UVRAG: variants seen among roughly 807,000 people sequenced by gnomAD.
The protein encoded by UVRAG is UV radiation resistance associated, also known as UV radiation resistance-associated gene protein.
In UVRAG, 19 loss-of-function variants were observed where a neutral mutation model predicts 78.0. The observed-to-expected ratio is 0.24, with a 90% CI of 0.17 to 0.36. The LOEUF (loss-of-function observed/expected upper bound fraction) is 0.36, where lower values mean the gene tolerates loss of function less well. Among genes scored for constraint, UVRAG ranks in the 10% least tolerant of loss-of-function variants. The pLI is 1.00. For synonymous variants in UVRAG, 323 were observed against 324.6 expected (o/e 1.00, Z 0.05); for missense variants, 740 against 853.8 (o/e 0.87, Z 1.66).
chr11:75,824,895 G>A (rs910759618), intron 1 of UVRAG, among the ~76,000 whole-genome samples: 1 of 151,836 alleles, frequency 6.6e-6, no homozygotes, highest in Non-Finnish European at 1.5e-5. Flanking sequence ...GGATGGTCTC[G>A]ATCTCCTGAC....
intron 12 of UVRAG, among the ~76,000 whole-genome samples, chr11:76,057,643 T>C (rs1459160927): frequency 1.3e-5 from 2 of 152,166 alleles, no homozygotes; most frequent in Non-Finnish European, 2.9e-5. Context: ...GCCTGCCTTA[T>C]GCTTTCACAG....
intron 2 of UVRAG, among the ~76,000 whole-genome samples, chr11:75,859,156 T>C (rs1946361975): frequency 6.6e-6 from 1 of 152,052 alleles, no homozygotes; most frequent in South Asian, 2.1e-4. Context: ...GTGTGGATCA[T>C]TTGAGGTCAG....
chr11:75,907,603 T>C (rs1257369439), intron 5 of UVRAG, among the ~76,000 whole-genome samples: 1 of 152,082 alleles, frequency 6.6e-6, no homozygotes, highest in Non-Finnish European at 1.5e-5. Flanking sequence ...ACCCTCAAAC[T>C]CCTGGGCTCA....
At chr11:75,879,445 C>T (rs1258611188) in intron 3 of UVRAG, among the ~76,000 whole-genome samples, 1 of 152,180 alleles carries the variant, frequency 6.6e-6, no homozygotes, top group Non-Finnish European at 1.5e-5. Flanking sequence ...GTTTATTTTT[C>T]CTTTCTCTTC....
At chr11:76,097,839 A>G (rs2134438926) in intron 13 of UVRAG, among the ~76,000 whole-genome samples, 2 of 152,306 alleles carry the variant, frequency 1.3e-5, no homozygotes, top group Middle Eastern at 6.8e-3. Flanking sequence ...AAACATATAT[A>G]TGGATGAACT....
At chr11:75,834,762 C>T (rs938807371) in intron 1 of UVRAG, among the ~76,000 whole-genome samples, 3 of 151,858 alleles carry the variant, frequency 2.0e-5, no homozygotes, top group Admixed American at 6.6e-5. Context: ...TGTGGTGAGC[C>T]GGGATTGTGC....
intron 7 of UVRAG, among the ~76,000 whole-genome samples, chr11:75,974,542 A>T: frequency 6.7e-6 from 1 of 148,686 alleles, no homozygotes; most frequent in Admixed American, 6.7e-5. Flanking sequence ...AATTTTTTGT[A>T]TTTTTAGTAG....
rs112567827 is a variant in UVRAG at position 76,106,840 on chromosome 11, G to T, written c.1306-9084G>T. 7.3e-3 allele frequency among the ~76,000 whole-genome samples: 1,115 copies of T among 152,254 alleles called. 11 individuals carry two copies. The highest frequency in any genetic ancestry group is 0.026 in the African/African-American group (1,065 of 41,540). ...TTGGGCCTGCTGGACCTGCTGAACA[G>T]CATGAATATCTACATTAATGGATCC... On this transcript the variant is annotated intron_variant, in intron 13 of 14. Transcript: ENST00000356136.
At chr11:76,119,198 G>C (rs1193392206) in intron 14 of UVRAG, among the ~76,000 whole-genome samples, 1 of 152,076 alleles carries the variant, frequency 6.6e-6, no homozygotes, top group Non-Finnish European at 1.5e-5. Flanking sequence ...GGCCTTGCTG[G>C]CCATTCCTGC....
intron 14 of UVRAG, among the ~76,000 whole-genome samples, chr11:76,122,603 A>G (rs1177897869): frequency 6.6e-6 from 1 of 152,200 alleles, no homozygotes. Context: ...AATCAAATGC[A>G]TCCTTTGCTG....
chr11:75,862,303 C>A (rs1200139670), intron 3 of UVRAG, among the ~76,000 whole-genome samples: 1 of 152,120 alleles, frequency 6.6e-6, no homozygotes, highest in Non-Finnish European at 1.5e-5. Flanking sequence ...ATAGGATACT[C>A]CTACTTGTTT....
Position 76,007,530 on chromosome 11 carries a change from T to C in UVRAG, c.912-4T>C, listed in dbSNP as rs1366170601. The C allele has an allele frequency of 6.2e-7, 1 of 1,609,372 alleles. No individual in the cohort carries two copies. Among genetic ancestry groups the C allele is most frequent in the East Asian group, 2.2e-5 (1 of 44,824 alleles). On this transcript the variant is annotated splice_region_variant and splice_polypyrimidine_tract_variant and intron_variant, in intron 9 of 14. Coordinates refer to ENST00000356136, the MANE Select transcript of UVRAG (RefSeq NM_003369.4). ...AATAAATGTATTTTTTCTTTCCTCA[T>C]TAGAGAACTCTTCTTGAAGACTAAT...
chr11:76,099,209 A>G (rs1951836506), intron 13 of UVRAG, among the ~76,000 whole-genome samples: 1 of 152,204 alleles, frequency 6.6e-6, no homozygotes, highest in South Asian at 2.1e-4. Flanking sequence ...CACACTTGGC[A>G]TGATATTAGC....
At chr11:76,038,735 G>A (rs1291601127) in intron 12 of UVRAG, among the ~76,000 whole-genome samples, 1 of 152,198 alleles carries the variant, frequency 6.6e-6, no homozygotes, top group Non-Finnish European at 1.5e-5. Context: ...AGCAGTAGCA[G>A]ATGCTCTTCT....
intron 13 of UVRAG, among the ~76,000 whole-genome samples, chr11:76,071,356 A>C (rs1467541299): frequency 6.6e-6 from 1 of 152,198 alleles, no homozygotes; most frequent in Admixed American, 6.5e-5. Flanking sequence ...CTGAGGTAGG[A>C]AAGAGCTATG....
At chr11:75,935,473 TTCTCTCTC>T (rs138539219) in intron 6 of UVRAG, among the ~76,000 whole-genome samples, 4 of 149,574 alleles carry the variant, frequency 2.7e-5, no homozygotes, top group African/African-American at 7.3e-5. Flanking sequence ...CTGTCTCTCT[TTCTCTCTC>T]TCTCTCTCTC....
chr11:76,119,275 T>C (rs921628046), intron 14 of UVRAG, among the ~76,000 whole-genome samples: 13 of 152,182 alleles, frequency 8.5e-5, no homozygotes, highest in Admixed American at 8.5e-4. Flanking sequence ...TGCTTCTAGC[T>C]TCTCCATGGC....
chr11:75,949,014 C>G (rs1261723556), intron 6 of UVRAG, among the ~76,000 whole-genome samples: 2 of 152,104 alleles, frequency 1.3e-5, no homozygotes, highest in Non-Finnish European at 2.9e-5. Flanking sequence ...TTCTTTGGTA[C>G]TAAGAACAGA....
rs895774344 is a variant in UVRAG at position 75,932,706 on chromosome 11, A to G, written c.593+20667A>G. ...TAAACATATACCAAAATCAGTTTCT[A>G]TATGCCAACATGAACAATCTGAAAA... is the stretch of plus-strand genomic sequence containing the variant. On this transcript the variant is annotated intron_variant, in intron 6 of 14. Coordinates refer to ENST00000356136, the MANE Select transcript of UVRAG (RefSeq NM_003369.4). Among the ~76,000 whole-genome samples, 9 of 152,216 alleles carry G rather than the reference A, an allele frequency of 5.9e-5. No individual in the cohort carries two copies. The East Asian group carries it at 7.7e-4, about 13-fold the overall frequency.
Sources: allele counts gnomAD v4.1 joint callset (sites outside exome capture counted in the v4.1 genomes callset), GRCh38; gene constraint gnomAD v4.1.1; transcripts MANE v1.5; gene names NCBI Gene and HGNC (gene_info 2026-07-23, HGNC 2026-07-21).